Variants in NSG1 observed in about 807,000 individuals in gnomAD.
The protein encoded by NSG1 is neuronal vesicle trafficking associated 1, also known as neuronal vesicle trafficking-associated protein 1.
Under a neutral mutation model 19.3 loss-of-function variants are expected in NSG1, and 9 were observed. That is an observed-to-expected ratio of 0.47 (90% confidence interval 0.28 to 0.81). NSG1 has a LOEUF of 0.81. Among genes scored for constraint, NSG1 ranks in the 40% least tolerant of loss-of-function variants. NSG1 has a pLI of 0.11. For missense variants in NSG1, 236 were observed against 242.4 expected (o/e 0.97, Z 0.18); for synonymous variants, 104 against 107.0 (o/e 0.97, Z 0.17).
intron 4 of NSG1, 150 bp downstream of exon 4, chr4:4,409,833 G>C: frequency 1.5e-6 from 1 of 652,280 alleles, no homozygotes; most frequent in Non-Finnish European, 2.7e-6. Context: ...GTGTCCCTGT[G>C]GAAGGCCCAC....
intron 3 of NSG1, among the ~76,000 whole-genome samples, chr4:4,405,124 C>A (rs1026129662): frequency 6.6e-6 from 1 of 152,226 alleles, no homozygotes; most frequent in African/African-American, 2.4e-5. Flanking sequence ...GAACTGTGCT[C>A]CCTTGGAAAC....
intron 4 of NSG1, 82 bp downstream of exon 4, chr4:4,409,765 C>A: frequency 8.8e-7 from 1 of 1,139,404 alleles, no homozygotes; most frequent in Non-Finnish European, 1.3e-6. Context: ...CTGCTCCTGC[C>A]GTCTCCCCCA....
chr4:4,417,816 T>C lies in NSG1; in HGVS notation c.*381T>C, dbSNP rs767017973. 1.3e-4 allele frequency: 41 copies of C among 327,476 alleles called. No homozygotes were observed. The highest frequency in any genetic ancestry group is 2.2e-4 in the Non-Finnish European group (37 of 171,046). 20.3% of individuals were successfully genotyped at this position (327,476 alleles called of 1,614,324 possible). A position where few individuals can be genotyped will look rare whatever the true frequency, so the allele number is the denominator to read the frequency against. ...CCTGCTGTCTGCAAACCTTCCTCCATAGCCATATCTAGAGTGATCTCTCGC... is the reference window on the plus strand; with the variant it reads ...CCTGCTGTCTGCAAACCTTCCTCCACAGCCATATCTAGAGTGATCTCTCGC... On this transcript the variant is annotated 3_prime_UTR_variant, in exon 5 of 5. Transcript: ENST00000621129.
At chr4:4,393,385 T>C (rs1237722692) in intron 3 of NSG1, among the ~76,000 whole-genome samples, 1 of 152,232 alleles carries the variant, frequency 6.6e-6, no homozygotes, top group Non-Finnish European at 1.5e-5. Flanking sequence ...GAATGGGTGA[T>C]GCATATTTGC....
At chr4:4,412,274 C>T (rs142617943) in intron 4 of NSG1, among the ~76,000 whole-genome samples, 4,295 of 151,934 alleles carry the variant, frequency 0.028, 186 homozygotes, top group African/African-American at 0.096. Context: ...GATACCTGGC[C>T]TGGGTGGGAG....
At chr4:4,405,119 G>A (rs115228190) in intron 3 of NSG1, among the ~76,000 whole-genome samples, 5 of 152,306 alleles carry the variant, frequency 3.3e-5, no homozygotes, top group Admixed American at 2.0e-4. Flanking sequence ...CGGCAGAACT[G>A]TGCTCCCTTG....
At chr4:4,397,946 TTTTTTC>T (rs1478980609) in intron 3 of NSG1, among the ~76,000 whole-genome samples, 1 of 152,064 alleles carries the variant, frequency 6.6e-6, no homozygotes, top group Non-Finnish European at 1.5e-5. Context: ...CATTCTTTAT[TTTTTTC>T]TTTTTCTTTT....
chr4:4,407,954 T>A (rs1271450098), intron 3 of NSG1, among the ~76,000 whole-genome samples: 6 of 152,078 alleles, frequency 3.9e-5, no homozygotes, highest in Admixed American at 2.0e-4. Context: ...AGCCTCAGCA[T>A]TCACGGCAGG....
In NSG1 at chr4:4,408,022, T is replaced by C. The variant is rs117275960; in HGVS notation, c.247-1551T>C. Among the ~76,000 whole-genome samples, 314 of 152,254 alleles carry C rather than the reference T, an allele frequency of 2.1e-3. 4 individuals are homozygous for C. The highest frequency in any genetic ancestry group is 9.9e-3 in the Admixed American group (152 of 15,304). ...ACGGCTGATAGGACACTTTCTCACG[T>C]ACATCTCCTGCTTCCCCAGGACCAG... On this transcript the variant is annotated intron_variant, in intron 3 of 4. Transcript: ENST00000621129.
At chr4:4,400,768 T>C (rs772738037) in intron 3 of NSG1, among the ~76,000 whole-genome samples, 7 of 152,228 alleles carry the variant, frequency 4.6e-5, no homozygotes, top group Non-Finnish European at 7.3e-5. Flanking sequence ...TGTGGGACAG[T>C]GTGGTCTTGG....
intron 4 of NSG1, among the ~76,000 whole-genome samples, chr4:4,414,214 G>A (rs1293295050): frequency 4.6e-5 from 7 of 151,854 alleles, no homozygotes; most frequent in African/African-American, 1.7e-4. Context: ...ACCTGGCCTG[G>A]GTGGGAGATG....
intron 4 of NSG1, among the ~76,000 whole-genome samples, chr4:4,411,157 A>G (rs1482471487): frequency 3.3e-5 from 5 of 152,208 alleles, no homozygotes; most frequent in Non-Finnish European, 7.3e-5. Flanking sequence ...CACTCAGCCA[A>G]TAAACTTTTA....
chr4:4,388,188 G>C (rs1722834866), intron 2 of NSG1, among the ~76,000 whole-genome samples: 2 of 150,972 alleles, frequency 1.3e-5, no homozygotes, highest in Admixed American at 6.6e-5. Context: ...CGAGGCGGGG[G>C]AGCGTTCTCC....
intron 4 of NSG1, among the ~76,000 whole-genome samples, chr4:4,414,863 C>T (rs1724431600): frequency 6.6e-6 from 1 of 151,926 alleles, no homozygotes; most frequent in Admixed American, 6.6e-5. Flanking sequence ...GACAGCCACT[C>T]CCAGTGGCCC....
chr4:4,397,343 G>A (rs2108732954), intron 3 of NSG1, among the ~76,000 whole-genome samples: 1 of 152,244 alleles, frequency 6.6e-6, no homozygotes, highest in Admixed American at 6.5e-5. Context: ...TCTGATGGTT[G>A]ACCCTGCTGT....
intron 3 of NSG1, among the ~76,000 whole-genome samples, chr4:4,408,547 G>C (rs1336297642): frequency 6.6e-6 from 1 of 152,214 alleles, no homozygotes; most frequent in Non-Finnish European, 1.5e-5. Flanking sequence ...TGCAGCCTCT[G>C]CCTCCTGGGT....
At chr4:4,415,290 C>A (rs1283503538) in intron 4 of NSG1, among the ~76,000 whole-genome samples, 3 of 152,182 alleles carry the variant, frequency 2.0e-5, no homozygotes, top group African/African-American at 7.2e-5. Flanking sequence ...TCCTCCCGTG[C>A]CCCACAAGAC....
chr4:4,398,522 A>G (rs967781716), intron 3 of NSG1, among the ~76,000 whole-genome samples: 1 of 152,200 alleles, frequency 6.6e-6, no homozygotes, highest in Admixed American at 6.5e-5. Flanking sequence ...CATGTCATAG[A>G]AATAGAATCT....
chr4:4,387,711 A>G lies in NSG1; in HGVS notation c.82A>G (p.Met28Val). 6.2e-7 allele frequency: 1 copy of G among 1,613,454 alleles called. No individual in the cohort carries two copies. The highest frequency in any genetic ancestry group is 8.5e-7 in the Non-Finnish European group (1 of 1,179,534). The change falls in exon 2 of 5, where the codon ATG becomes GTG. Residue 28 changes from methionine to valine, a missense_variant. By Grantham distance (21) the Met-to-Val change is conservative. Transcript: ENST00000621129. Reference protein sequence around the residue: ...LEDGFDTIPLMTPLDVNQLQF... With the variant: ...LEDGFDTIPLVTPLDVNQLQF... ...GGATGGCTTCGACACCATTCCCCTG[A>G]TGACGCCCCTCGATGTCAATCAGCT...
Sources: gnomAD v4.1 joint callset for allele counts (sites outside exome capture counted in the v4.1 genomes callset) on GRCh38, gnomAD v4.1.1 for gene constraint, MANE v1.5 for transcripts, NCBI Gene and HGNC (gene_info 2026-07-23, HGNC 2026-07-21) for gene names.